Variants in WDPCP observed in about 807,000 individuals in gnomAD.
The protein encoded by WDPCP is WD repeat-containing and planar cell polarity effector protein fritz homolog.
Under a neutral mutation model 93.1 loss-of-function variants are expected in WDPCP, and 71 were observed. The ratio of observed to expected loss-of-function variants is 0.76; its 90% CI spans 0.63 to 0.93. The LOEUF (loss-of-function observed/expected upper bound fraction) is 0.93, where lower values mean the gene tolerates loss of function less well. WDPCP is among the 40% of genes least tolerant of loss of function. The pLI is 0.00. For synonymous variants in WDPCP, 315 were observed against 315.0 expected (o/e 1.00, Z 0.00); for missense variants, 844 against 887.4 (o/e 0.95, Z 0.62).
chr2:63,351,278 G>A (rs764480851), intron 12 of WDPCP, among the ~76,000 whole-genome samples: 1 of 152,066 alleles, frequency 6.6e-6, no homozygotes, highest in Non-Finnish European at 1.5e-5. Context: ...CACTGTGCTC[G>A]GCTCAACTTT....
chr2:63,408,600 A>G (rs930913932), intron 9 of WDPCP, among the ~76,000 whole-genome samples: 3 of 152,150 alleles, frequency 2.0e-5, no homozygotes, highest in African/African-American at 7.2e-5. Context: ...CTCCACAGCC[A>G]GGGGGAGAAG....
At chr2:63,307,110 C>A (rs952853078) in intron 13 of WDPCP, among the ~76,000 whole-genome samples, 1 of 151,976 alleles carries the variant, frequency 6.6e-6, no homozygotes, top group African/African-American at 2.4e-5. Context: ...AGACAGAGAG[C>A]TAAATCATGA....
At chr2:63,368,487 G>A (rs1691117394) in intron 12 of WDPCP, among the ~76,000 whole-genome samples, 1 of 151,762 alleles carries the variant, frequency 6.6e-6, no homozygotes, top group Non-Finnish European at 1.5e-5. Context: ...CACCATGCCT[G>A]GCTAATTTTT....
chr2:63,274,120 C>A (rs904617275), intron 13 of WDPCP, among the ~76,000 whole-genome samples: 1 of 151,990 alleles, frequency 6.6e-6, no homozygotes, highest in Non-Finnish European at 1.5e-5. Context: ...CAACTCTCAA[C>A]AAATTTTAAA....
chr2:63,167,431 T>G (rs895781501), intron 15 of WDPCP, among the ~76,000 whole-genome samples: 1 of 152,210 alleles, frequency 6.6e-6, no homozygotes, highest in Non-Finnish European at 1.5e-5. Context: ...TTCCTCTGAT[T>G]ATTACTTAAA....
intron 3 of WDPCP, chr2:63,605,865 GTTTAAT>G: frequency 1.6e-6 from 2 of 1,237,304 alleles, no homozygotes; most frequent in Non-Finnish European, 2.4e-6. Flanking sequence ...GGGTCACCTG[GTTTAAT>G]TTTATTAGTT....
intron 3 of WDPCP, among the ~76,000 whole-genome samples, chr2:63,627,446 C>T (rs1709821753): frequency 1.3e-5 from 2 of 152,154 alleles, no homozygotes; most frequent in Non-Finnish European, 2.9e-5. Flanking sequence ...TTGCGAAGCT[C>T]CACTTTCAAG....
chr2:63,388,320 G>C (rs1051871487), intron 10 of WDPCP, among the ~76,000 whole-genome samples: 1 of 152,092 alleles, frequency 6.6e-6, no homozygotes, highest in African/African-American at 2.4e-5. Context: ...CTGACTGTTA[G>C]AAGGAAAACT....
At chr2:63,557,657 A>G (rs1462805174) in intron 1 of WDPCP, among the ~76,000 whole-genome samples, 3 of 152,176 alleles carry the variant, frequency 2.0e-5, no homozygotes, top group African/African-American at 4.8e-5. Context: ...CTTGACAGAC[A>G]TCTATAGAAC....
At chr2:63,310,727 C>A (rs116287825) in intron 13 of WDPCP, among the ~76,000 whole-genome samples, 2,299 of 151,118 alleles carry the variant, frequency 0.015, 62 homozygotes, top group African/African-American at 0.053. Context: ...AGCATGGTGG[C>A]ACATGCCTGT....
chr2:63,431,665 C>G (rs1212840945), intron 9 of WDPCP, among the ~76,000 whole-genome samples: 3 of 151,494 alleles, frequency 2.0e-5, no homozygotes, highest in Non-Finnish European at 4.4e-5. Context: ...AAGATTATGT[C>G]TTCACACACA....
intron 14 of WDPCP, among the ~76,000 whole-genome samples, chr2:63,189,510 C>T (rs576258587): frequency 1.3e-5 from 2 of 152,306 alleles, no homozygotes; most frequent in African/African-American, 4.8e-5. Context: ...CTGGAGCTTC[C>T]TAATCTGCCA....
chr2:63,700,118 C>CA (rs1347073232), intron 2 of WDPCP, among the ~76,000 whole-genome samples: 1 of 151,172 alleles, frequency 6.6e-6, no homozygotes, highest in East Asian at 1.9e-4. Context: ...AAACCTCATA[C>CA]AAAAAATGCA....
intron 14 of WDPCP, among the ~76,000 whole-genome samples, chr2:63,190,432 CAA>C (rs57419276): frequency 4.0e-4 from 37 of 92,256 alleles, no homozygotes; most frequent in Non-Finnish European, 5.7e-4. Context: ...GACCTTGTCT[CAA>C]AAAAAAAAAA....
intron 17 of WDPCP, among the ~76,000 whole-genome samples, chr2:63,144,688 G>A (rs1671352231): frequency 6.6e-6 from 1 of 152,072 alleles, no homozygotes; most frequent in Non-Finnish European, 1.5e-5. Context: ...CATTAAAATT[G>A]GGCTTCACCT....
chr2:63,321,318 A>T (rs2104124238), intron 12 of WDPCP, among the ~76,000 whole-genome samples: 1 of 75,580 alleles, frequency 1.3e-5, no homozygotes, highest in Admixed American at 1.6e-4. Context: ...TGTCTCTATT[A>T]TCAGAGTATA....
intron 12 of WDPCP, among the ~76,000 whole-genome samples, chr2:63,356,537 C>A (rs567254165): frequency 1.3e-5 from 2 of 152,076 alleles, no homozygotes; most frequent in South Asian, 4.2e-4. Flanking sequence ...ACATAATCCT[C>A]AAAAAATGTA....
At chr2:63,258,418 G>A (rs1007321056) in intron 14 of WDPCP, among the ~76,000 whole-genome samples, 1 of 152,136 alleles carries the variant, frequency 6.6e-6, no homozygotes, top group Admixed American at 6.5e-5. Flanking sequence ...TTGAAGATTA[G>A]ATCTATGTGG....
At chr2:63,808,508 G>A (rs1165692482) in intron 2 of WDPCP, among the ~76,000 whole-genome samples, 1 of 152,194 alleles carries the variant, frequency 6.6e-6, no homozygotes, top group African/African-American at 2.4e-5. Context: ...CGCCTGACTG[G>A]TTTTCGTGTT....
Sources: allele counts gnomAD v4.1 joint callset (sites outside exome capture counted in the v4.1 genomes callset), GRCh38; gene constraint gnomAD v4.1.1; transcripts MANE v1.5; gene names NCBI Gene and HGNC (gene_info 2026-07-23, HGNC 2026-07-21).